The following LCT variants were observed in gnomAD, a reference collection of about 807,000 sequenced individuals.
LCT encodes the protein lactase/phlorizin hydrolase.
Under a neutral mutation model 173.0 loss-of-function variants are expected in LCT, and 90 were observed. The observed-to-expected ratio is 0.52, with a 90% confidence interval of 0.44 to 0.62. LCT has a LOEUF of 0.62. Among genes scored for constraint, LCT ranks in the 20% least tolerant of loss-of-function variants. The pLI is 0.00. For missense variants in LCT, 1,864 were observed against 2,431.4 expected (o/e 0.77, Z 4.91); for synonymous variants, 853 against 957.6 (o/e 0.89, Z 2.02).
chr2:135,809,359 C>T lies in LCT; in HGVS notation c.2988G>A (p.Gly996=), dbSNP rs1283758813. 1.2e-6 allele frequency: 2 copies of T among 1,614,186 alleles called. No individual in the cohort carries two copies. The highest frequency in any genetic ancestry group is 1.7e-6 in the Non-Finnish European group (2 of 1,180,022). The part of the protein sequence containing the change: ...TGRNSSINSH[G]VDYYNRLING... Reference sequence around the variant, plus strand: ...TGATCAGCCTGTTGTAATAATCAACCCCATGACTGTTGATAGAGCTGTTTC... The same window carrying T: ...TGATCAGCCTGTTGTAATAATCAACTCCATGACTGTTGATAGAGCTGTTTC... Residue 996 remains glycine (G), a synonymous_variant, in exon 8 of 17, where the codon GGG becomes GGA. Transcript: ENST00000264162. This position sits in a 1 kb window ranked among gnomAD's most constrained non-coding sequence, Gnocchi z 5.5.
intron 7 of LCT, among the ~76,000 whole-genome samples, chr2:135,811,607 C>T (rs182561677): frequency 8.6e-5 from 13 of 151,186 alleles, no homozygotes; most frequent in African/African-American, 1.7e-4. Context: ...GGTTGGAGTC[C>T]GGAGGATCAC....
chr2:135,806,484 A>C (rs2077676276), intron 9 of LCT, among the ~76,000 whole-genome samples: 1 of 152,124 alleles, frequency 6.6e-6, no homozygotes, highest in South Asian at 2.1e-4. Flanking sequence ...AGGCCTTCCC[A>C]TTCACTCACC....
chr2:135,790,977 TTAGGTTTTGTCTAGCCTTA>T lies in LCT; in HGVS notation c.5112-115_5112-97del. On this transcript the variant is annotated intron_variant, in intron 14 of 16. Transcript: ENST00000264162. The surrounding 1 kb of genome is among the most constrained non-coding windows in gnomAD (Gnocchi z 4.1). Reference sequence around the variant, plus strand: ...AACAGGACTTAGACCAGGAAAAGCCTTAGGTTTTGTCTAGCCTTAAGAATCATACTAAACCCAGAAGAAT... The same window carrying T: ...AACAGGACTTAGACCAGGAAAAGCCTAGAATCATACTAAACCCAGAAGAAT... 1 of 923,288 alleles carries T rather than the reference TTAGGTTTTGTCTAGCCTTA, an allele frequency of 1.1e-6. No individual in the cohort carries two copies. The highest frequency in any genetic ancestry group is 1.8e-6 in the Non-Finnish European group (1 of 568,338). 57.2% of individuals were successfully genotyped at this position (923,288 alleles called of 1,614,324 possible).
At position 135,788,187 on chromosome 2, in the gene LCT, A is replaced by T. The variant is rs1228595605; in HGVS notation, c.*137T>A. 5.5e-6 allele frequency: 4 copies of T among 721,724 alleles called. No individual in the cohort carries two copies. The highest frequency in any genetic ancestry group is 4.6e-5 in the South Asian group (3 of 65,822). The allele number at this position is 721,724 out of a possible 1,614,324, so 44.7% of individuals were successfully genotyped here. Reference sequence around the variant, plus strand: ...GCAAGTCGAAATCATTCAAGATTAAAGTCATCTCTAACGGTGCAGCAGGAC... The same window carrying T: ...GCAAGTCGAAATCATTCAAGATTAATGTCATCTCTAACGGTGCAGCAGGAC... On this transcript the variant is annotated 3_prime_UTR_variant, in exon 17 of 17. Transcript: ENST00000264162.
chr2:135,800,487 A>C (rs2077616424), intron 12 of LCT, 120 bp downstream of exon 12: 3 of 861,602 alleles, frequency 3.5e-6, no homozygotes, highest in Non-Finnish European at 5.8e-6. Context: ...AGACTTCCAA[A>C]GTGCTGGGAT....
chr2:135,807,408 C>T lies in LCT; in HGVS notation c.3905-12G>A. On this transcript the variant is annotated splice_polypyrimidine_tract_variant and intron_variant, in intron 8 of 16. Coordinates refer to ENST00000264162, the MANE Select transcript of LCT (RefSeq NM_002299.4). ...ATCGAGCCTGTAGGCTGGGAACATC[C>T]CAAAGGGAGCAGAGGAGAGCTTGAC... 5 of 1,613,958 alleles carry T rather than the reference C, an allele frequency of 3.1e-6. No homozygotes were observed. Among genetic ancestry groups the T allele is most frequent in the Non-Finnish European group, 4.2e-6 (5 of 1,179,962 alleles).
At chr2:135,824,875 C>A (rs980943243) in intron 3 of LCT, among the ~76,000 whole-genome samples, 9 of 150,066 alleles carry the variant, frequency 6.0e-5, no homozygotes, top group Admixed American at 3.3e-4. Flanking sequence ...TGGTGGTGCA[C>A]GCCTGTAATA....
rs1230292091 is a variant in LCT, at chr2:135,795,138, T to C, written c.4977-363A>G. ...TCTGATATTTAGCATCTATGACAGA[T>C]TTCAAAATCAAGAGCATGCCTGAGG... On this transcript the variant is annotated intron_variant, in intron 13 of 16. Coordinates refer to ENST00000264162, the MANE Select transcript of LCT (RefSeq NM_002299.4). 5.3e-5 allele frequency among the ~76,000 whole-genome samples: 8 copies of C among 152,158 alleles called. No homozygotes were observed. In the East Asian group the frequency reaches 1.3e-3, roughly 26 times the overall value.
chr2:135,788,649 C>G, intron 16 of LCT, 105 bp from the exon 17 acceptor site: 1 of 787,654 alleles, frequency 1.3e-6, no homozygotes, highest in South Asian at 1.4e-5. Flanking sequence ...TCCGCACAGC[C>G]ATTGACGGGA....
intron 12 of LCT, among the ~76,000 whole-genome samples, chr2:135,798,492 GCTCCCGGTTCTCTTTCTCA>G (rs1400634346): frequency 2.0e-5 from 3 of 152,184 alleles, no homozygotes; most frequent in Non-Finnish European, 2.9e-5. Flanking sequence ...AAGCCTCCAG[GCTCCCGGTTCTCTTTCTCA>G]CCACTGAGCG....
chr2:135,789,886 C>T (rs1166564104), intron 15 of LCT, 88 bp from the exon 16 acceptor site: 1 of 986,716 alleles, frequency 1.0e-6, no homozygotes, highest in Non-Finnish European at 1.6e-6. Flanking sequence ...CTGCCTACTG[C>T]TCTCCCCACC....
intron 2 of LCT, among the ~76,000 whole-genome samples, chr2:135,830,158 C>A (rs1449997807): frequency 6.6e-6 from 1 of 152,058 alleles, no homozygotes; most frequent in African/African-American, 2.4e-5. Context: ...TTCAGGCCAC[C>A]GTTTGAAGTC....
chr2:135,794,073 A>T (rs1281922601), intron 14 of LCT, among the ~76,000 whole-genome samples: 1 of 151,856 alleles, frequency 6.6e-6, no homozygotes, highest in African/African-American at 2.4e-5. Flanking sequence ...CGGGTGGTGG[A>T]GGTTGCAGTG....
intron 4 of LCT, chr2:135,822,376 T>A: frequency 2.3e-6 from 1 of 432,876 alleles, no homozygotes; most frequent in South Asian, 2.2e-5. Context: ...GAGTGTCTGA[T>A]GCAGTAGGTC....
At chr2:135,788,667 G>A (rs750699660) in intron 16 of LCT, 123 bp from the exon 17 acceptor site, 5 of 734,238 alleles carry the variant, frequency 6.8e-6, no homozygotes, top group Non-Finnish European at 1.2e-5. Context: ...GGATGCCGAG[G>A]TGGAGGTACC....
intron 10 of LCT, 142 bp downstream of exon 10, chr2:135,804,625 G>A: frequency 1.2e-6 from 1 of 828,420 alleles, no homozygotes; most frequent in Non-Finnish European, 1.9e-6. Context: ...GGGTGACAGA[G>A]CGAGACTACG....
Position 135,823,380 on chromosome 2 carries a change from A to C in LCT, c.907+521T>G, listed in dbSNP as rs139695926. Among the ~76,000 whole-genome samples, 447 of 152,310 alleles carry C rather than the reference A, an allele frequency of 2.9e-3. 4 individuals carry two copies. Among genetic ancestry groups the C allele is most frequent in the South Asian group, 0.023 (110 of 4,824 alleles). On this transcript the variant is annotated intron_variant, in intron 4 of 16. Transcript: ENST00000264162. ...ATGGCCAACAATCAGATTCACTTTCAAGAATTTGAACTAAGAGACACTAGG... is the reference window on the plus strand; with the variant it reads ...ATGGCCAACAATCAGATTCACTTTCCAGAATTTGAACTAAGAGACACTAGG...
intron 13 of LCT, among the ~76,000 whole-genome samples, chr2:135,796,425 T>C (rs1393281254): frequency 6.6e-6 from 1 of 152,164 alleles, no homozygotes; most frequent in Non-Finnish European, 1.5e-5. Context: ...TTCCAGGCCC[T>C]CCACCATGTG....
chr2:135,810,169 T>C, intron 7 of LCT, 176 bp from the exon 8 acceptor site: 1 of 605,730 alleles, frequency 1.7e-6, no homozygotes, highest in Non-Finnish European at 2.9e-6. Context: ...ATTTATCTTT[T>C]AAAGACTAGT....
Sources: allele counts gnomAD v4.1 joint callset (sites outside exome capture counted in the v4.1 genomes callset), GRCh38; gene constraint gnomAD v4.1.1; non-coding constraint Gnocchi (gnomAD v3.1); transcripts MANE v1.5; gene names NCBI Gene and HGNC (gene_info 2026-07-23, HGNC 2026-07-21).